The following EVL variants were observed in gnomAD, a reference collection of about 807,000 sequenced individuals.
The protein encoded by EVL is ena/VASP-like protein.
Under a neutral mutation model 59.6 loss-of-function variants are expected in EVL, and 21 were observed. The observed-to-expected ratio is 0.35, with a 90% confidence interval of 0.25 to 0.51. EVL has a LOEUF of 0.51. Ranked by LOEUF, EVL falls within the 20% of genes least tolerant of loss-of-function variation. The probability of loss-of-function intolerance (pLI) is 0.97; values close to 1 mark genes in which losing one functional copy is unlikely to be tolerated. For missense variants in EVL, 462 were observed against 546.6 expected, an observed-to-expected ratio of 0.85 and a Z score of 1.54; for synonymous variants, 198 against 203.5, an observed-to-expected ratio of 0.97 and a Z score of 0.23.
intron 3 of EVL, among the ~76,000 whole-genome samples, chr14:100,099,865 G>C (rs1400311141): frequency 6.6e-6 from 1 of 151,366 alleles, no homozygotes; most frequent in Non-Finnish European, 1.5e-5. Flanking sequence ...GAGCCACTGC[G>C]CCCGGCCCAG....
intron 9 of EVL, chr14:100,137,281 G>A (rs1888859996): frequency 4.3e-6 from 2 of 468,874 alleles, no homozygotes; most frequent in Non-Finnish European, 7.8e-6. Flanking sequence ...GGGAGGTCGT[G>A]CTTGCTCGCC....
rs1317831512 is a variant in EVL at position 100,137,611 on chromosome 14, CGGT to C, written c.1001_1003del (p.Val334del). 1 of 1,614,028 alleles carries C rather than the reference CGGT, an allele frequency of 6.2e-7. No homozygotes were observed. The highest frequency in any genetic ancestry group is 1.1e-5 in the South Asian group (1 of 91,082). ...CGGAAGCCCTGGGAGCGGAGCAACT[CGGT>C]GGAGAAGCCTGTGTCCTCGATTCTG... On this transcript the variant is annotated inframe_deletion, in exon 10 of 14. Coordinates refer to ENST00000392920, the MANE Select transcript of EVL (RefSeq NM_016337.3).
At chr14:100,050,994 G>A (rs150925899) in intron 1 of EVL, among the ~76,000 whole-genome samples, 5 of 151,660 alleles carry the variant, frequency 3.3e-5, no homozygotes, top group East Asian at 3.9e-4. Context: ...TGATCCACCC[G>A]CCTCAGCCTC....
At chr14:100,086,501 C>T (rs998983326) in intron 2 of EVL, among the ~76,000 whole-genome samples, 2 of 152,214 alleles carry the variant, frequency 1.3e-5, no homozygotes, top group African/African-American at 4.8e-5. Context: ...TTTCCCATTC[C>T]CTTCCTGCCT....
rs1191722798 is a variant in EVL, at chr14:100,108,282, T to C, written c.358+10624T>C. On this transcript the variant is annotated intron_variant, in intron 3 of 13. Coordinates refer to ENST00000392920, the MANE Select transcript of EVL (RefSeq NM_016337.3). The surrounding 1 kb of genome is among the most constrained non-coding windows in gnomAD (Gnocchi z 4.1). ...TGTTAAACCTCATAGCTCTTGGAGG[T>C]GGGGCTGAATTTTGCTTCTTGTAAA... Among the ~76,000 whole-genome samples, 1 of 151,978 alleles carries C rather than the reference T, an allele frequency of 6.6e-6. No homozygotes were observed. The highest frequency in any genetic ancestry group is 1.5e-5 in the Non-Finnish European group (1 of 67,968).
rs143032357 is a variant in EVL, at chr14:100,017,331, C to T, written c.5+45274C>T. Among the ~76,000 whole-genome samples, 220 of 152,172 alleles carry T rather than the reference C, an allele frequency of 1.4e-3. 1 individual carries two copies. Among genetic ancestry groups the T allele is most frequent in the African/African-American group, 4.9e-3 (204 of 41,498 alleles). ...AGAGCAGGCACAGAGTCTAGAGGTC[C>T]CCACAAAATTAAATGAGCCACCCAT... On this transcript the variant is annotated intron_variant, in intron 1 of 13. Coordinates refer to the EVL transcript ENST00000402714.
Position 100,028,682 on chromosome 14 carries a change from G to A in EVL, c.6-56005G>A, listed in dbSNP as rs76063550. Among the ~76,000 whole-genome samples, 16 of 152,080 alleles carry A rather than the reference G, an allele frequency of 1.1e-4. No individual in the cohort carries two copies. The East Asian group carries it at 1.9e-3, about 18-fold the overall frequency. On this transcript the variant is annotated intron_variant, in intron 1 of 13. Transcript: ENST00000402714. Reference sequence around the variant, plus strand: ...AAAAATCAGCGAGGCATGGTGACACGCACCTGTAGTCCCAGCTACTCGGGA... The same window carrying A: ...AAAAATCAGCGAGGCATGGTGACACACACCTGTAGTCCCAGCTACTCGGGA...
chr14:99,973,593 G>A (rs776776585), intron 1 of EVL, among the ~76,000 whole-genome samples: 3 of 152,176 alleles, frequency 2.0e-5, no homozygotes, highest in Non-Finnish European at 4.4e-5. Flanking sequence ...TTCCCGAGTA[G>A]CTGGGATTAC....
intron 1 of EVL, among the ~76,000 whole-genome samples, chr14:100,009,922 T>A (rs2061005742): frequency 6.6e-6 from 1 of 152,234 alleles, no homozygotes. Context: ...TCTGAAGACC[T>A]GGGATTAACG....
In EVL at chr14:100,108,772, T is replaced by A. The variant is rs146539712; in HGVS notation, c.358+11114T>A. On this transcript the variant is annotated intron_variant, in intron 3 of 13. Transcript: ENST00000392920. The surrounding 1 kb of genome is among the most constrained non-coding windows in gnomAD (Gnocchi z 4.1). ...CCCAGCCGCCCCGCTCCCTGTGACT[T>A]TGCACTCCCTCCTGCACTCCCACGG... Among the ~76,000 whole-genome samples, 25 of 152,264 alleles carry A rather than the reference T, an allele frequency of 1.6e-4. No individual in the cohort carries two copies. Among genetic ancestry groups the A allele is most frequent in the Non-Finnish European group, 3.2e-4 (22 of 68,014 alleles).
intron 3 of EVL, among the ~76,000 whole-genome samples, chr14:100,116,781 C>T (rs56992369): frequency 0.053 from 8,114 of 152,236 alleles, 733 homozygotes; most frequent in African/African-American, 0.18. Flanking sequence ...AGCCCACAAT[C>T]CCGAGATAGC....
intron 1 of EVL, among the ~76,000 whole-genome samples, chr14:100,026,363 C>T (rs532386437): frequency 7.3e-6 from 1 of 136,916 alleles, no homozygotes; most frequent in African/African-American, 2.5e-5. Flanking sequence ...AAGTAATTTG[C>T]TTAAAGTCAC....
At chr14:100,077,897 G>A (rs1158849355) in intron 1 of EVL, among the ~76,000 whole-genome samples, 4 of 151,892 alleles carry the variant, frequency 2.6e-5, no homozygotes, top group Non-Finnish European at 4.4e-5. Context: ...CTCAGCCTCC[G>A]GAGTAGCTGG....
intron 1 of EVL, among the ~76,000 whole-genome samples, chr14:100,043,618 T>C (rs2140236578): frequency 6.7e-6 from 1 of 149,726 alleles, no homozygotes; most frequent in East Asian, 2.0e-4. Flanking sequence ...TTTTTTTTTT[T>C]TTTTTTCTTT....
chr14:99,990,476 C>T (rs1431747697), intron 1 of EVL, among the ~76,000 whole-genome samples: 1 of 152,068 alleles, frequency 6.6e-6, no homozygotes, highest in African/African-American at 2.4e-5. Context: ...AAACTCTAAA[C>T]CCCATTAAAC....
At chr14:99,975,838 C>T (rs1376513011) in intron 1 of EVL, among the ~76,000 whole-genome samples, 2 of 152,108 alleles carry the variant, frequency 1.3e-5, no homozygotes, top group Admixed American at 6.5e-5. Context: ...TATTCCATTT[C>T]ACTATATCTT....
chr14:100,019,678 A>G lies in EVL; in HGVS notation c.5+47621A>G, dbSNP rs978553339. The G allele has an allele frequency of 4.6e-6, 7 of 1,533,678 alleles. No individual in the cohort carries two copies. The African/African-American group carries it at 9.6e-5, about 21-fold the overall frequency. On this transcript the variant is annotated intron_variant, in intron 1 of 13. Coordinates refer to the EVL transcript ENST00000402714. ...TCTGACTAGGTCATGTTTGCATTTGAAGAATTCAGGTATGTTCTGGGCTTT... is the reference window on the plus strand; with the variant it reads ...TCTGACTAGGTCATGTTTGCATTTGGAGAATTCAGGTATGTTCTGGGCTTT...
At chr14:100,041,091 G>C (rs776011285) in intron 1 of EVL, among the ~76,000 whole-genome samples, 5 of 152,072 alleles carry the variant, frequency 3.3e-5, no homozygotes, top group Non-Finnish European at 7.4e-5. Flanking sequence ...TGTGTACTTA[G>C]AAACAGTGGC....
intron 1 of EVL, among the ~76,000 whole-genome samples, chr14:100,050,957 A>G (rs1029027835): frequency 6.7e-6 from 1 of 149,366 alleles, no homozygotes; most frequent in Non-Finnish European, 1.5e-5. Flanking sequence ...TGTGTTGCCC[A>G]GGCTGGTCTC....
Sources: gnomAD v4.1 joint callset for allele counts (sites outside exome capture counted in the v4.1 genomes callset) on GRCh38, gnomAD v4.1.1 for gene constraint, Gnocchi (gnomAD v3.1) non-coding constraint, MANE v1.5 for transcripts, NCBI Gene and HGNC (gene_info 2026-07-23, HGNC 2026-07-21) for gene names.